Variants in DLGAP2 observed in about 807,000 individuals in gnomAD.
DLGAP2 encodes the protein disks large-associated protein 2.
Under a neutral mutation model 100.3 loss-of-function variants are expected in DLGAP2, and 26 were observed. The observed-to-expected ratio is 0.26, with a 90% confidence interval of 0.19 to 0.36. The LOEUF is 0.36. Ranked by LOEUF, DLGAP2 falls within the 10% of genes least tolerant of loss-of-function variation. DLGAP2 has a pLI of 1.00. For synonymous variants in DLGAP2, 886 were observed against 630.1 expected (o/e 1.41, Z -6.08); for missense variants, 1,858 against 1,453.2 (o/e 1.28, Z -4.53).
chr8:1,028,111 G>A (rs1417779179), intron 2 of DLGAP2, among the ~76,000 whole-genome samples: 3 of 133,534 alleles, frequency 2.2e-5, no homozygotes, highest in African/African-American at 8.6e-5. Flanking sequence ...CCAGGGGCCC[G>A]TTATTCTCCA....
intron 3 of DLGAP2, among the ~76,000 whole-genome samples, chr8:1,492,811 G>C (rs191402172): frequency 6.6e-6 from 1 of 152,182 alleles, no homozygotes; most frequent in African/African-American, 2.4e-5. Flanking sequence ...ATAAGGAGAA[G>C]GGCTGTGTAC....
intron 2 of DLGAP2, among the ~76,000 whole-genome samples, chr8:1,245,325 G>A (rs1283814228): frequency 6.6e-6 from 1 of 152,182 alleles, no homozygotes; most frequent in African/African-American, 2.4e-5. Context: ...GATACTCAAA[G>A]ATAGAAACAA....
chr8:1,647,176 G>C (rs1182546510), intron 8 of DLGAP2, among the ~76,000 whole-genome samples: 3 of 152,136 alleles, frequency 2.0e-5, no homozygotes, highest in Non-Finnish European at 2.9e-5. Flanking sequence ...CTGGTTGCTG[G>C]ATCTGGAACT....
In DLGAP2 at chr8:1,319,898, G is replaced by C. The variant is rs576023031; in HGVS notation, c.106+61015G>C. 5.9e-5 allele frequency among the ~76,000 whole-genome samples: 9 copies of C among 152,338 alleles called. No individual in the cohort carries two copies. In the East Asian group the frequency reaches 1.5e-3, roughly 26 times the overall value. On this transcript the variant is annotated intron_variant, in intron 3 of 14. Coordinates refer to ENST00000637795, the MANE Select transcript of DLGAP2 (RefSeq NM_001346810.2). ...ACAGGAGACAAAGGCAGAGGGAAGAGACGGGGACGATGGGTGACCCAGGGC... is the reference window on the plus strand; with the variant it reads ...ACAGGAGACAAAGGCAGAGGGAAGACACGGGGACGATGGGTGACCCAGGGC...
chr8:1,693,415 G>A (rs977366967), intron 13 of DLGAP2, among the ~76,000 whole-genome samples: 4 of 151,670 alleles, frequency 2.6e-5, no homozygotes, highest in Non-Finnish European at 5.9e-5. Context: ...GCTGACTAAA[G>A]TATTCACTAT....
intron 2 of DLGAP2, among the ~76,000 whole-genome samples, chr8:1,055,744 C>T (rs7819983): frequency 1.5e-3 from 230 of 152,302 alleles, no homozygotes; most frequent in African/African-American, 3.2e-3. Flanking sequence ...CAGCCAGCAC[C>T]GTTGCCATGC....
At chr8:858,349 T>A (rs1327389292) in intron 1 of DLGAP2, among the ~76,000 whole-genome samples, 1 of 152,264 alleles carries the variant, frequency 6.6e-6, no homozygotes, top group Non-Finnish European at 1.5e-5. Flanking sequence ...CAATGTAGGA[T>A]TCCGACTGCA....
At chr8:1,166,990 T>C (rs563018383) in intron 2 of DLGAP2, among the ~76,000 whole-genome samples, 38 of 152,162 alleles carry the variant, frequency 2.5e-4, no homozygotes, top group African/African-American at 8.9e-4. Flanking sequence ...CAAAAACTTA[T>C]CTGGGTGTGG....
At chr8:1,421,729 G>C (rs1365006343) in intron 3 of DLGAP2, among the ~76,000 whole-genome samples, 1 of 152,186 alleles carries the variant, frequency 6.6e-6, no homozygotes, top group Admixed American at 6.5e-5. Context: ...ACTTTGGGAG[G>C]CTGAGGTGGG....
intron 2 of DLGAP2, among the ~76,000 whole-genome samples, chr8:1,092,545 GC>G (rs1804220302): frequency 6.6e-6 from 1 of 152,234 alleles, no homozygotes; most frequent in Non-Finnish European, 1.5e-5. Flanking sequence ...GGAAGAGGGG[GC>G]TGTGGCCGGC....
chr8:955,342 G>C (rs774673328), intron 2 of DLGAP2, among the ~76,000 whole-genome samples: 1 of 152,116 alleles, frequency 6.6e-6, no homozygotes. Context: ...GCCCAGCGAG[G>C]CCTCTCAATG....
At chr8:1,137,404 C>T in intron 2 of DLGAP2, 1 of 152,784 alleles carries the variant, frequency 6.5e-6, no homozygotes, top group Non-Finnish European at 1.5e-5. Context: ...CTGCCCCGAG[C>T]TGATGTCCCG....
At chr8:1,684,697 A>AAGAT (rs1799066544) in intron 12 of DLGAP2, among the ~76,000 whole-genome samples, 1 of 151,654 alleles carries the variant, frequency 6.6e-6, no homozygotes, top group Non-Finnish European at 1.5e-5. Flanking sequence ...AAGTACTTTC[A>AAGAT]AGATATTAAA....
chr8:1,309,679 G>A (rs1241076227), intron 3 of DLGAP2, among the ~76,000 whole-genome samples: 1 of 152,198 alleles, frequency 6.6e-6, no homozygotes, highest in African/African-American at 2.4e-5. Flanking sequence ...GGACGACCAG[G>A]AAAACCAACA....
intron 2 of DLGAP2, among the ~76,000 whole-genome samples, chr8:1,213,895 C>A (rs1798158907): frequency 6.6e-6 from 1 of 152,172 alleles, no homozygotes; most frequent in Non-Finnish European, 1.5e-5. Flanking sequence ...TCACTCGGGT[C>A]CTCACTCCTT....
chr8:1,164,187 G>GGACA (rs373167288), intron 2 of DLGAP2, among the ~76,000 whole-genome samples: 8,869 of 20,448 alleles, frequency 0.43, 1,435 homozygotes, highest in Middle Eastern at 0.5. Flanking sequence ...TGGTTTGTGG[G>GGACA]GATTTTTCTG....
At chr8:1,183,237 A>G (rs1489024075) in intron 2 of DLGAP2, among the ~76,000 whole-genome samples, 1 of 152,164 alleles carries the variant, frequency 6.6e-6, no homozygotes, top group Non-Finnish European at 1.5e-5. Context: ...GGGGAGGAGA[A>G]TGTGACAGAC....
intron 3 of DLGAP2, among the ~76,000 whole-genome samples, chr8:1,344,136 G>GTATTCGGGGCCCTGTCGTGAGTCCA (rs1563095049): frequency 1.4e-5 from 2 of 140,992 alleles, no homozygotes; most frequent in African/African-American, 2.8e-5. Context: ...TCGTGGGTCC[G>GTATTCGGGGCCCTGTCGTGAGTCCA]TGTACTCGGG....
intron 1 of DLGAP2, among the ~76,000 whole-genome samples, chr8:884,162 G>T (rs1797875695): frequency 6.6e-6 from 1 of 152,190 alleles, no homozygotes; most frequent in Non-Finnish European, 1.5e-5. Context: ...ACCCAGTAAT[G>T]GGATTGCTGG....
Sources: gnomAD v4.1 joint callset for allele counts (sites outside exome capture counted in the v4.1 genomes callset) on GRCh38, gnomAD v4.1.1 for gene constraint, MANE v1.5 for transcripts, NCBI Gene and HGNC (gene_info 2026-07-23, HGNC 2026-07-21) for gene names.